FAM3C: variants seen among roughly 807,000 people sequenced by gnomAD.
FAM3C encodes the protein FAM3 metabolism regulating signaling molecule C.
A neutral mutation model predicts 32.5 loss-of-function variants in FAM3C; 15 were observed. The observed-to-expected ratio is 0.46, with a 90% CI of 0.31 to 0.71. The LOEUF is 0.71. FAM3C is among the 30% of genes least tolerant of loss of function. FAM3C has a pLI of 0.05. For synonymous variants in FAM3C, 75 were observed against 86.1 expected, an observed-to-expected ratio of 0.87 and a Z score of 0.72; for missense variants, 175 against 274.4, an observed-to-expected ratio of 0.64 and a Z score of 2.56.
At chr7:121,384,588 C>A (rs1794428925) in intron 1 of FAM3C, among the ~76,000 whole-genome samples, 2 of 152,162 alleles carry the variant, frequency 1.3e-5, no homozygotes, top group African/African-American at 4.8e-5. Context: ...CCATGGCCTG[C>A]TCAGGCCACA....
intron 1 of FAM3C, among the ~76,000 whole-genome samples, chr7:121,387,025 G>A (rs1464212184): frequency 3.9e-5 from 6 of 152,046 alleles, no homozygotes. Context: ...ATATTTTTAG[G>A]CTTTATGGAC....
intron 2 of FAM3C, among the ~76,000 whole-genome samples, chr7:121,382,555 T>G (rs1264143001): frequency 6.6e-6 from 1 of 151,504 alleles, no homozygotes; most frequent in Non-Finnish European, 1.5e-5. Flanking sequence ...TTAGGTTTTT[T>G]TTTTTTTTTT....
rs1401959486 is a variant in FAM3C at position 121,374,111 on chromosome 7, C to T, written c.119-1972G>A. Among the ~76,000 whole-genome samples, 3 of 151,922 alleles carry T rather than the reference C, an allele frequency of 2.0e-5. 1 individual carries two copies. In the South Asian group the frequency reaches 6.2e-4, roughly 32 times the overall value. Reference sequence around the variant, plus strand: ...AGCTAAGTATTCAAACTGAAAACAACACTACATTACACCACAATGCTGAAT... The same window carrying T: ...AGCTAAGTATTCAAACTGAAAACAATACTACATTACACCACAATGCTGAAT... On this transcript the variant is annotated intron_variant, in intron 3 of 9. Transcript: ENST00000359943.
chr7:121,361,831 A>C (rs1039959742), intron 7 of FAM3C, among the ~76,000 whole-genome samples: 2 of 152,136 alleles, frequency 1.3e-5, no homozygotes, highest in African/African-American at 4.8e-5. Flanking sequence ...GGTGCATGCC[A>C]CCATGCCCGG....
intron 1 of FAM3C, among the ~76,000 whole-genome samples, chr7:121,395,319 A>G (rs1794666363): frequency 1.4e-5 from 2 of 147,002 alleles, no homozygotes; most frequent in African/African-American, 2.6e-5. Context: ...ACATACATAC[A>G]TATATATATA....
intron 5 of FAM3C, among the ~76,000 whole-genome samples, chr7:121,367,977 GAAAAGAA>G (rs937183219): frequency 6.8e-6 from 1 of 147,542 alleles, no homozygotes; most frequent in African/African-American, 2.5e-5. Context: ...AGGTAAAAAA[GAAAAGAA>G]AAAAGAAAAA....
rs567984692 is a variant in FAM3C, at chr7:121,385,304, C to T, written c.-41-2294G>A. On this transcript the variant is annotated intron_variant, in intron 1 of 9. Transcript: ENST00000359943. ...AACTTAGTACATTTATACATTTGCT[C>T]CAAAAAGTGTTACATAGGCCAAAAT... Among the ~76,000 whole-genome samples, 460 of 152,168 alleles carry T rather than the reference C, an allele frequency of 3.0e-3. 3 individuals are homozygous for T. The highest frequency in any genetic ancestry group is 0.01 in the African/African-American group (429 of 41,506).
rs183005544 is a variant in FAM3C, at chr7:121,374,842, G to A, written c.119-2703C>T. Reference sequence around the variant, plus strand: ...AAAAATCAAGAAATAAAAAGTAGGAGAATAAAGTAACTCAACGTTTGTTCA... The same window carrying A: ...AAAAATCAAGAAATAAAAAGTAGGAAAATAAAGTAACTCAACGTTTGTTCA... On this transcript the variant is annotated intron_variant, in intron 3 of 9. Coordinates refer to ENST00000359943, the MANE Select transcript of FAM3C (RefSeq NM_014888.3). Among the ~76,000 whole-genome samples, 7 of 152,298 alleles carry A rather than the reference G, an allele frequency of 4.6e-5. No individual in the cohort carries two copies. The East Asian group carries it at 1.2e-3, about 25-fold the overall frequency.
At chr7:121,353,926 T>C (rs976729376) in intron 8 of FAM3C, among the ~76,000 whole-genome samples, 4 of 152,182 alleles carry the variant, frequency 2.6e-5, no homozygotes, top group African/African-American at 9.6e-5. Context: ...CTGTCAAAAC[T>C]GGGAGTGGTT....
intron 3 of FAM3C, 23 bp downstream of exon 3, chr7:121,378,887 G>A: frequency 7.6e-7 from 1 of 1,313,028 alleles, no homozygotes; most frequent in Non-Finnish European, 1.1e-6. Context: ...TAAGATTTAA[G>A]AAAGGAAAAA....
chr7:121,381,969 G>A (rs1305568052), intron 2 of FAM3C, among the ~76,000 whole-genome samples: 1 of 152,064 alleles, frequency 6.6e-6, no homozygotes, highest in African/African-American at 2.4e-5. Context: ...TTGACTTTAG[G>A]CATTTCTAAG....
At chr7:121,357,444 A>G (rs1793836044) in intron 8 of FAM3C, among the ~76,000 whole-genome samples, 1 of 152,196 alleles carries the variant, frequency 6.6e-6, no homozygotes, top group Non-Finnish European at 1.5e-5. Flanking sequence ...GAGAGGGTAT[A>G]TAACACAACT....
At chr7:121,351,114 T>C (rs1375157057) in intron 9 of FAM3C, 29 bp downstream of exon 9, 1 of 1,594,876 alleles carries the variant, frequency 6.3e-7, no homozygotes, top group Non-Finnish European at 8.5e-7. Context: ...AATTTGTTTT[T>C]GTTAATTCTG....
chr7:121,366,207 C>T (rs542597904), intron 5 of FAM3C, among the ~76,000 whole-genome samples: 1 of 152,204 alleles, frequency 6.6e-6, no homozygotes, highest in South Asian at 2.1e-4. Context: ...ATAAAGAAAT[C>T]AAAACATATG....
At chr7:121,364,955 G>A (rs184023560) in intron 5 of FAM3C, among the ~76,000 whole-genome samples, 1 of 152,084 alleles carries the variant, frequency 6.6e-6, no homozygotes, top group African/African-American at 2.4e-5. Flanking sequence ...TACTCCCAGT[G>A]GTGTGCTGTT....
At chr7:121,355,557 G>A (rs920903516) in intron 8 of FAM3C, among the ~76,000 whole-genome samples, 2 of 152,168 alleles carry the variant, frequency 1.3e-5, no homozygotes, top group South Asian at 2.1e-4. Flanking sequence ...CCAAGTTAAC[G>A]TCATCACAAC....
intron 3 of FAM3C, among the ~76,000 whole-genome samples, chr7:121,374,121 C>T (rs190362203): frequency 2.2e-3 from 333 of 152,132 alleles, no homozygotes; most frequent in African/African-American, 7.1e-3. Flanking sequence ...CACTACATTA[C>T]ACCACAATGC....
In FAM3C at chr7:121,371,310, C is replaced by T. The variant is rs773455264; in HGVS notation, c.262G>A (p.Glu88Lys). ...TCAACAAAGACTTACACATTATCTT[C>T]CAGGCAGATTTTGGGTCCCACCACG... The part of the protein sequence containing the change: ...ANVVGPKICL[E>K]DNVLMSGVKN... Residue 88 changes from glutamate (E) to lysine (K), a missense_variant, in exon 5 of 10, where the codon GAA (glutamate) becomes AAA (lysine). Transcript: ENST00000359943. 6.2e-7 allele frequency: 1 copy of T among 1,613,064 alleles called. No homozygotes were observed. The highest frequency in any genetic ancestry group is 8.5e-7 in the Non-Finnish European group (1 of 1,179,858).
chr7:121,392,382 G>A (rs527813219), intron 1 of FAM3C, among the ~76,000 whole-genome samples: 1 of 152,146 alleles, frequency 6.6e-6, no homozygotes, highest in Non-Finnish European at 1.5e-5. Context: ...CAGCAGGAGA[G>A]AGAAGAGAGA....
Sources: gnomAD v4.1 joint callset for allele counts (sites outside exome capture counted in the v4.1 genomes callset) on GRCh38, gnomAD v4.1.1 for gene constraint, MANE v1.5 for transcripts, NCBI Gene and HGNC (gene_info 2026-07-23, HGNC 2026-07-21) for gene names.